Variants in TAFA2 observed in about 807,000 individuals in gnomAD.
TAFA2 encodes chemokine-like protein TAFA-2.
TAFA2 carries 7 observed loss-of-function variants against 18.8 expected under a neutral mutation model. The observed-to-expected ratio is 0.37, with a 90% CI of 0.21 to 0.70. The LOEUF (loss-of-function observed/expected upper bound fraction) is 0.70, where lower values mean the gene tolerates loss of function less well. Ranked by LOEUF, TAFA2 falls within the 30% of genes least tolerant of loss-of-function variation. The pLI, the probability that TAFA2 is intolerant of heterozygous loss-of-function variation, is 0.53. For missense variants in TAFA2, 122 were observed against 158.1 expected (o/e 0.77, Z 1.23); for synonymous variants, 60 against 54.2 (o/e 1.11, Z -0.47).
At chr12:61,920,211 G>A (rs1044587957) in intron 1 of TAFA2, among the ~76,000 whole-genome samples, 1 of 152,088 alleles carries the variant, frequency 6.6e-6, no homozygotes, top group African/African-American at 2.4e-5. Flanking sequence ...TCATAAATAA[G>A]TATACTATTG....
intron 1 of TAFA2, among the ~76,000 whole-genome samples, chr12:62,114,548 A>G (rs1869877273): frequency 6.6e-6 from 1 of 152,238 alleles, no homozygotes; most frequent in Admixed American, 6.5e-5. Flanking sequence ...AATTGATGAT[A>G]TTTTATTTAA....
chr12:61,884,136 T>C (rs1029562108), intron 1 of TAFA2, among the ~76,000 whole-genome samples: 4 of 152,096 alleles, frequency 2.6e-5, no homozygotes, highest in Admixed American at 2.6e-4. Context: ...GCAAAGAGTA[T>C]GAATGGCAAG....
upstream of TAFA2, chr12:62,259,522 C>T (rs933138104): frequency 1.3e-5 from 2 of 152,218 alleles, no homozygotes; most frequent in Admixed American, 6.5e-5. Context: ...TTTTAAGCGA[C>T]TCGATTTTCT....
intron 1 of TAFA2, among the ~76,000 whole-genome samples, chr12:62,216,312 T>C (rs751428047): frequency 6.6e-6 from 1 of 152,212 alleles, no homozygotes; most frequent in African/African-American, 2.4e-5. Flanking sequence ...AAGACCCATA[T>C]AGTAGAGAAA....
chr12:62,155,978 A>T (rs1354249064), intron 1 of TAFA2, among the ~76,000 whole-genome samples: 6 of 152,220 alleles, frequency 3.9e-5, no homozygotes, highest in Admixed American at 6.5e-5. Flanking sequence ...TTTGCATGCC[A>T]AAAAGAACAG....
intron 1 of TAFA2, among the ~76,000 whole-genome samples, chr12:61,911,191 A>G (rs1376092670): frequency 6.6e-6 from 1 of 152,168 alleles, no homozygotes; most frequent in Non-Finnish European, 1.5e-5. Flanking sequence ...CCAAAAAAAT[A>G]GCAATTTACC....
intron 1 of TAFA2, among the ~76,000 whole-genome samples, chr12:62,078,286 C>T (rs1868267935): frequency 6.6e-6 from 1 of 152,064 alleles, no homozygotes; most frequent in African/African-American, 2.4e-5. Context: ...ACAATGTCTC[C>T]CAAGGTTGCT....
chr12:61,845,091 G>A (rs1014246146), intron 2 of TAFA2, among the ~76,000 whole-genome samples: 1 of 151,850 alleles, frequency 6.6e-6, no homozygotes, highest in Admixed American at 6.6e-5. Context: ...AACAACAAAG[G>A]TATTTCATAA....
intron 1 of TAFA2, among the ~76,000 whole-genome samples, chr12:62,249,503 C>G (rs933876496): frequency 6.6e-6 from 1 of 152,094 alleles, no homozygotes; most frequent in African/African-American, 2.4e-5. Context: ...AGCCTGGCAC[C>G]TCTCCCCACG....
intron 2 of TAFA2, among the ~76,000 whole-genome samples, chr12:61,813,334 A>G (rs955047572): frequency 2.0e-5 from 3 of 151,406 alleles, no homozygotes; most frequent in Non-Finnish European, 4.4e-5. Flanking sequence ...TTATAAAATT[A>G]TGTATCTTTT....
chr12:62,075,424 A>T (rs1271855085), intron 1 of TAFA2, among the ~76,000 whole-genome samples: 1 of 152,152 alleles, frequency 6.6e-6, no homozygotes, highest in East Asian at 1.9e-4. Flanking sequence ...TTGACAATGG[A>T]ATATGGAAGG....
chr12:61,954,827 A>G (rs1201984416), intron 1 of TAFA2, among the ~76,000 whole-genome samples: 2 of 152,204 alleles, frequency 1.3e-5, no homozygotes, highest in Non-Finnish European at 2.9e-5. Flanking sequence ...GTCTCTAGCT[A>G]TTACATTAAC....
intron 1 of TAFA2, among the ~76,000 whole-genome samples, chr12:61,977,667 TA>T (rs933386125): frequency 6.6e-5 from 10 of 152,248 alleles, no homozygotes; most frequent in African/African-American, 2.4e-4. Context: ...CCACTCTTTT[TA>T]AAGCCTAGCT....
At chr12:61,832,848 A>C (rs1201405444) in intron 2 of TAFA2, among the ~76,000 whole-genome samples, 1 of 151,670 alleles carries the variant, frequency 6.6e-6, no homozygotes, top group Admixed American at 6.6e-5. Flanking sequence ...GTTTGTAGAG[A>C]TCACTTCCTC....
At chr12:61,869,992 T>C (rs1874527939) in intron 1 of TAFA2, among the ~76,000 whole-genome samples, 1 of 152,152 alleles carries the variant, frequency 6.6e-6, no homozygotes, top group Non-Finnish European at 1.5e-5. Context: ...CAATGACCCA[T>C]CATTTTTCCA....
chr12:62,142,769 T>A (rs2062248675), intron 1 of TAFA2, among the ~76,000 whole-genome samples: 1 of 152,174 alleles, frequency 6.6e-6, no homozygotes, highest in South Asian at 2.1e-4. Flanking sequence ...AAAACTCCAA[T>A]GAAAAAGATC....
chr12:61,815,052 C>G (rs1411172773), intron 2 of TAFA2, among the ~76,000 whole-genome samples: 1 of 151,502 alleles, frequency 6.6e-6, no homozygotes, highest in African/African-American at 2.5e-5. Context: ...TAATTTGTTA[C>G]AGCAGCAATA....
Position 61,986,581 on chromosome 12 carries a change from G to A in TAFA2, c.-1-119155C>T, listed in dbSNP as rs373992599. ...CCCAAAGTGCTGGGATTACAGGCAT[G>A]AGCCACCACACCCGGTCCAAACGAT... On this transcript the variant is annotated intron_variant, in intron 1 of 4. Coordinates refer to ENST00000416284, the MANE Select transcript of TAFA2 (RefSeq NM_178539.5). Among the ~76,000 whole-genome samples, 41 of 151,728 alleles carry A rather than the reference G, an allele frequency of 2.7e-4. 1 individual carries two copies. In the East Asian group the frequency reaches 5.4e-3, roughly 20 times the overall value.
At chr12:61,860,390 C>T (rs571949195) in intron 2 of TAFA2, among the ~76,000 whole-genome samples, 1 of 152,122 alleles carries the variant, frequency 6.6e-6, no homozygotes, top group Non-Finnish European at 1.5e-5. Context: ...TTTTTATCAA[C>T]AAGAAAAACA....
Sources: allele counts gnomAD v4.1 joint callset (sites outside exome capture counted in the v4.1 genomes callset), GRCh38; gene constraint gnomAD v4.1.1; transcripts MANE v1.5; gene names NCBI Gene and HGNC (gene_info 2026-07-23, HGNC 2026-07-21).